The following MACROD2 variants were observed in gnomAD, a reference collection of about 807,000 sequenced individuals.
MACROD2 encodes mono-ADP ribosylhydrolase 2, also known as ADP-ribose glycohydrolase MACROD2.
In MACROD2, 36 loss-of-function variants were observed where a neutral mutation model predicts 70.4. That is an observed-to-expected ratio of 0.51 (90% confidence interval 0.39 to 0.68). MACROD2 has a LOEUF of 0.68. Ranked by LOEUF, MACROD2 falls within the 30% of genes least tolerant of loss-of-function variation. The probability of loss-of-function intolerance (pLI) is 0.00; values close to 1 mark genes in which losing one functional copy is unlikely to be tolerated. For synonymous variants in MACROD2, 172 were observed against 178.8 expected, an observed-to-expected ratio of 0.96 and a Z score of 0.30; for missense variants, 496 against 538.4, an observed-to-expected ratio of 0.92 and a Z score of 0.78.
chr20:14,257,830 G>A (rs906976219), intron 3 of MACROD2, among the ~76,000 whole-genome samples: 2 of 152,088 alleles, frequency 1.3e-5, no homozygotes, highest in Admixed American at 6.6e-5. Context: ...TTTGGTGCAC[G>A]CATCATCTGC....
At chr20:15,028,089 C>A (rs1464173851) in intron 5 of MACROD2, among the ~76,000 whole-genome samples, 1 of 152,200 alleles carries the variant, frequency 6.6e-6, no homozygotes, top group African/African-American at 2.4e-5. Context: ...TCAGCTACAT[C>A]CACATCCCTA....
chr20:14,965,617 T>G (rs927625445), intron 5 of MACROD2, among the ~76,000 whole-genome samples: 1 of 147,340 alleles, frequency 6.8e-6, no homozygotes, highest in Non-Finnish European at 1.5e-5. Flanking sequence ...CCCGCCACTA[T>G]GCCCAGCTAA....
At chr20:15,420,048 A>G (rs931562149) in intron 6 of MACROD2, among the ~76,000 whole-genome samples, 2 of 152,214 alleles carry the variant, frequency 1.3e-5, no homozygotes, top group African/African-American at 4.8e-5. Context: ...TGGGTCCAGC[A>G]GGTTTATGGA....
At position 15,873,459 on chromosome 20, in the gene MACROD2, T is replaced by C. The variant is rs2064615587; in HGVS notation, c.727+10633T>C. ...TAATGTGGTTTAACATTTTTCCAGT[T>C]ATTTATCTAAATTTCTTACACAAAA... On this transcript the variant is annotated intron_variant, in intron 9 of 17. Coordinates refer to ENST00000684519, the MANE Select transcript of MACROD2 (RefSeq NM_001351661.2). 2.0e-5 allele frequency among the ~76,000 whole-genome samples: 3 copies of C among 152,224 alleles called. No individual in the cohort carries two copies. In the South Asian group the frequency reaches 6.2e-4, roughly 31 times the overall value.
At chr20:15,768,622 T>C (rs912317781) in intron 8 of MACROD2, among the ~76,000 whole-genome samples, 2 of 152,206 alleles carry the variant, frequency 1.3e-5, no homozygotes, top group African/African-American at 2.4e-5. Context: ...AATATTTTTC[T>C]TTCTTCAATA....
intron 3 of MACROD2, among the ~76,000 whole-genome samples, chr20:14,143,698 T>C (rs2054906987): frequency 1.3e-5 from 2 of 152,294 alleles, no homozygotes; most frequent in East Asian, 1.9e-4. Context: ...CAGGCCATTG[T>C]GGAATGAGCA....
intron 8 of MACROD2, chr20:15,552,445 C>G (rs2146590430): frequency 6.6e-6 from 1 of 152,274 alleles, no homozygotes; most frequent in South Asian, 2.1e-4. Flanking sequence ...AAGTGGTAGG[C>G]ACTCAGGATG....
At chr20:15,592,187 A>C (rs1473829109) in intron 8 of MACROD2, among the ~76,000 whole-genome samples, 2 of 152,226 alleles carry the variant, frequency 1.3e-5, no homozygotes, top group Non-Finnish European at 2.9e-5. Flanking sequence ...ATAAGACCTC[A>C]TGGGGTAGCT....
chr20:15,903,114 G>A (rs1253274359), intron 10 of MACROD2, among the ~76,000 whole-genome samples: 2 of 152,136 alleles, frequency 1.3e-5, no homozygotes, highest in African/African-American at 2.4e-5. Context: ...GGTGTCTCAC[G>A]CCTGTATTCC....
At chr20:14,743,062 G>A (rs2071754299) in intron 5 of MACROD2, among the ~76,000 whole-genome samples, 2 of 151,968 alleles carry the variant, frequency 1.3e-5, no homozygotes, top group South Asian at 4.1e-4. Context: ...CACCGCGCCC[G>A]GCCTATAAAC....
chr20:14,682,345 C>T (rs542471146), intron 4 of MACROD2, among the ~76,000 whole-genome samples: 1 of 151,994 alleles, frequency 6.6e-6, no homozygotes, highest in Admixed American at 6.6e-5. Flanking sequence ...ACAGTAATCT[C>T]ACCCTCTGTT....
chr20:14,511,075 C>T (rs964028781), intron 4 of MACROD2, among the ~76,000 whole-genome samples: 8 of 151,964 alleles, frequency 5.3e-5, no homozygotes, highest in African/African-American at 1.9e-4. Flanking sequence ...CTTGGTGAGA[C>T]AGAATGAAAG....
At chr20:14,746,991 A>T (rs2123729337) in intron 5 of MACROD2, among the ~76,000 whole-genome samples, 1 of 152,318 alleles carries the variant, frequency 6.6e-6, no homozygotes, top group South Asian at 2.1e-4. Context: ...AGTTTTCAAT[A>T]GAAAAATTAA....
At chr20:14,338,763 A>G (rs2082980116) in intron 3 of MACROD2, among the ~76,000 whole-genome samples, 1 of 152,128 alleles carries the variant, frequency 6.6e-6, no homozygotes, top group African/African-American at 2.4e-5. Context: ...CAATTGTAAG[A>G]CGTGGAGATT....
At chr20:14,166,797 C>G (rs1275408821) in intron 3 of MACROD2, among the ~76,000 whole-genome samples, 3 of 152,056 alleles carry the variant, frequency 2.0e-5, no homozygotes, top group African/African-American at 7.2e-5. Context: ...GCCATTTATC[C>G]TATTGTCCCA....
intron 6 of MACROD2, among the ~76,000 whole-genome samples, chr20:15,312,896 A>G (rs1296028076): frequency 6.6e-6 from 1 of 152,190 alleles, no homozygotes; most frequent in Non-Finnish European, 1.5e-5. Flanking sequence ...ACACACATAC[A>G]TATATAATAA....
chr20:14,835,579 G>A (rs2073020327), intron 5 of MACROD2, among the ~76,000 whole-genome samples: 1 of 152,008 alleles, frequency 6.6e-6, no homozygotes, highest in Non-Finnish European at 1.5e-5. Context: ...AAGTACAGAG[G>A]GGATGACCCA....
At chr20:14,794,806 C>A (rs775989565) in intron 5 of MACROD2, among the ~76,000 whole-genome samples, 76 of 151,916 alleles carry the variant, frequency 5.0e-4, no homozygotes, top group Admixed American at 9.8e-4. Flanking sequence ...ATGCAGGGAG[C>A]ACATATTCTA....
intron 15 of MACROD2, among the ~76,000 whole-genome samples, chr20:16,034,576 C>T (rs760823889): frequency 6.6e-6 from 1 of 151,958 alleles, no homozygotes; most frequent in Non-Finnish European, 1.5e-5. Flanking sequence ...AGTTTTCTTC[C>T]ATTTTAGAAC....
Sources: gnomAD v4.1 joint callset for allele counts (sites outside exome capture counted in the v4.1 genomes callset) on GRCh38, gnomAD v4.1.1 for gene constraint, MANE v1.5 for transcripts, NCBI Gene and HGNC (gene_info 2026-07-23, HGNC 2026-07-21) for gene names.